The following SENP1 variants were observed in gnomAD, a reference collection of about 807,000 sequenced individuals.
SENP1 encodes sentrin-specific protease 1.
SENP1 carries 21 observed loss-of-function variants against 93.0 expected under a neutral mutation model. The ratio of observed to expected loss-of-function variants is 0.23; its 90% CI spans 0.16 to 0.33. SENP1 has a LOEUF of 0.33. SENP1 is among the 10% of genes least tolerant of loss of function. The pLI, the probability that SENP1 is intolerant of heterozygous loss-of-function variation, is 1.00. For missense variants in SENP1, 591 were observed against 758.7 expected (o/e 0.78, Z 2.60); for synonymous variants, 256 against 259.6 (o/e 0.99, Z 0.13).
chr12:48,070,304 C>T (rs996747098), intron 9 of SENP1, among the ~76,000 whole-genome samples: 2 of 152,204 alleles, frequency 1.3e-5, no homozygotes, highest in Middle Eastern at 3.2e-3. Context: ...CATCATGTCT[C>T]TGCTCAAGTC....
chr12:48,077,391 G>A (rs1409579192), intron 6 of SENP1, among the ~76,000 whole-genome samples: 1 of 152,124 alleles, frequency 6.6e-6, no homozygotes, highest in Non-Finnish European at 1.5e-5. Flanking sequence ...CAGTTTTAGA[G>A]TTTCTAGTCT....
chr12:48,084,127 C>T (rs919436434), intron 5 of SENP1, among the ~76,000 whole-genome samples: 4 of 152,156 alleles, frequency 2.6e-5, no homozygotes, highest in African/African-American at 9.7e-5. Flanking sequence ...CATACATTTT[C>T]TATTATTCCC....
At chr12:48,053,585 G>C (rs1252165683) in intron 13 of SENP1, among the ~76,000 whole-genome samples, 1 of 151,768 alleles carries the variant, frequency 6.6e-6, no homozygotes, top group Non-Finnish European at 1.5e-5. Context: ...TCCCCATAAA[G>C]TTTTGCTTCT....
rs866085185 is a variant in SENP1 at position 48,078,332 on chromosome 12, T to C, written c.553-3539A>G. 2.4e-4 allele frequency among the ~76,000 whole-genome samples: 20 copies of C among 83,844 alleles called. 3 individuals carry two copies. The highest frequency in any genetic ancestry group is 1.8e-3 in the East Asian group (2 of 1,140). 55.0% of individuals were successfully genotyped at this position (83,844 alleles called of 152,430 possible). A position where few individuals can be genotyped will look rare whatever the true frequency, so the allele number is the denominator to read the frequency against. ...CTGTAGGATTTTATATATATATATA[T>C]ATACACACACATATATATATACACA... On this transcript the variant is annotated intron_variant, in intron 6 of 17. Transcript: ENST00000549518.
chr12:48,053,480 GAAA>G (rs56951392), intron 13 of SENP1, among the ~76,000 whole-genome samples: 3 of 79,694 alleles, frequency 3.8e-5, no homozygotes, highest in African/African-American at 8.6e-5. Context: ...CCTGTCTCAG[GAAA>G]AAAAAAAAAA....
intron 3 of SENP1, 33 bp from the exon 4 acceptor site, chr12:48,096,460 ATTTT>A: frequency 6.9e-6 from 8 of 1,164,892 alleles, no homozygotes; most frequent in Non-Finnish European, 7.3e-6. Context: ...CTTAAGTCAC[ATTTT>A]TTTTTTTTTT....
At position 48,065,095 on chromosome 12, in the gene SENP1, A is replaced by G. The variant is rs769334883; in HGVS notation, c.1245T>C (p.Asp415=). 4.4e-6 allele frequency: 7 copies of G among 1,603,934 alleles called. No individual in the cohort carries two copies. The South Asian group carries it at 4.4e-5, about 10-fold the overall frequency. Residue 415 remains aspartate (D), a synonymous_variant, in exon 12 of 18, where the codon GAT becomes GAC. Coordinates refer to ENST00000549518, the MANE Select transcript of SENP1 (RefSeq NM_001267594.2). ...TAATTTCAGGAAATTCATCTTCACT[A>G]TCAGTTAATTTATGACCTTTTTTTT... ...ETQKKGHKLT[D]SEDEFPEITE...
rs35445616 is a variant in SENP1 at position 48,079,847 on chromosome 12, A to G, written c.552+3744T>C. 2.8e-3 allele frequency among the ~76,000 whole-genome samples: 432 copies of G among 152,326 alleles called. 1 individual carries two copies. The highest frequency in any genetic ancestry group is 8.8e-3 in the African/African-American group (367 of 41,580). ...AATACTCCTAATTTTCATTTTGTTT[A>G]AAGTAATAACTTTATACCATATAAA... is the stretch of plus-strand genomic sequence containing the variant. On this transcript the variant is annotated intron_variant, in intron 6 of 17. Transcript: ENST00000549518.
At chr12:48,063,350 G>A (rs1943082739) in intron 13 of SENP1, among the ~76,000 whole-genome samples, 1 of 152,170 alleles carries the variant, frequency 6.6e-6, no homozygotes. Flanking sequence ...AAATCCCACA[G>A]TATTCCCTCA....
Position 48,065,184 on chromosome 12 carries a change from C to T in SENP1, c.1156G>A (p.Val386Ile). 6.2e-7 allele frequency: 1 copy of T among 1,609,826 alleles called. No individual in the cohort carries two copies. The highest frequency in any genetic ancestry group is 8.5e-7 in the Non-Finnish European group (1 of 1,177,078). Residue 386 changes from valine (V) to isoleucine (I), a missense_variant, in exon 12 of 18, where the codon GTA (valine) becomes ATA (isoleucine). Physicochemically the swap from Val to Ile is conservative, Grantham distance 29. Around this residue, in one of 4 missense-constraint regions of SENP1, gnomAD observed 238 missense variants for 259.1 expected, o/e 0.92. Coordinates refer to ENST00000549518, the MANE Select transcript of SENP1 (RefSeq NM_001267594.2). ...AGAGGTACACGAAGATGTAGTTCTA[C>T]TGAATCATGTACTGAATGTTCCCGC... is the stretch of plus-strand genomic sequence containing the variant. The part of the protein sequence containing the change: ...QEREHSVHDS[V>I]ELHLRVPLEK...
intron 13 of SENP1, among the ~76,000 whole-genome samples, chr12:48,053,810 G>A (rs545096124): frequency 5.3e-5 from 8 of 152,142 alleles, no homozygotes; most frequent in Non-Finnish European, 1.2e-4. Flanking sequence ...TATTTCCTAT[G>A]AGTTTGTTCC....
chr12:48,103,557 C>T (rs909080861), intron 1 of SENP1, among the ~76,000 whole-genome samples: 1 of 152,134 alleles, frequency 6.6e-6, no homozygotes, highest in African/African-American at 2.4e-5. Flanking sequence ...TTCTTTTAGC[C>T]ACTTGCAGTT....
chr12:48,081,459 T>C (rs1592410999), intron 6 of SENP1: 1 of 152,126 alleles, frequency 6.6e-6, no homozygotes, highest in Non-Finnish European at 1.5e-5. Context: ...TTCATCATTG[T>C]TGTCCAGCTT....
intron 6 of SENP1, chr12:48,079,937 A>G (rs1210395977): frequency 2.6e-5 from 4 of 152,380 alleles, no homozygotes; most frequent in African/African-American, 9.6e-5. Context: ...ACAACACTGT[A>G]AAGCAGTTCT....
rs753488373 is a variant in SENP1, at chr12:48,101,499, T to G, written c.-27A>C. The G allele has an allele frequency of 6.3e-7, 1 of 1,589,646 alleles. No homozygotes were observed. Among genetic ancestry groups the G allele is most frequent in the South Asian group, 1.1e-5 (1 of 87,436 alleles). ...TCAAGTCTTTTCACATCACTGACTT[T>G]AGCAAAGATACAAAGTCCTATAAAA... is the stretch of plus-strand genomic sequence containing the variant. On this transcript the variant is annotated 5_prime_UTR_variant, in exon 2 of 18. Transcript: ENST00000549518.
chr12:48,064,173 T>C (rs1333674111), intron 12 of SENP1, among the ~76,000 whole-genome samples: 1 of 152,202 alleles, frequency 6.6e-6, no homozygotes, highest in Non-Finnish European at 1.5e-5. Context: ...ATATCTCTGG[T>C]CCAAATGACT....
chr12:48,049,261 C>A, intron 13 of SENP1, 129 bp from the exon 14 acceptor site: 1 of 694,120 alleles, frequency 1.4e-6, no homozygotes, highest in Non-Finnish European at 2.5e-6. Flanking sequence ...CAACATCCAA[C>A]AGATTCATTT....
chr12:48,083,816 C>T, intron 5 of SENP1, 54 bp from the exon 6 acceptor site: 3 of 1,267,554 alleles, frequency 2.4e-6, no homozygotes, highest in Non-Finnish European at 3.3e-6. Context: ...AAAATAAATC[C>T]AACCTAGAGA....
At chr12:48,082,047 G>A (rs1468010187) in intron 6 of SENP1, among the ~76,000 whole-genome samples, 5 of 151,680 alleles carry the variant, frequency 3.3e-5, no homozygotes, top group Non-Finnish European at 7.4e-5. Flanking sequence ...CCGCCACCAC[G>A]CCTGGCTAAT....
Sources: gnomAD v4.1 joint callset for allele counts (sites outside exome capture counted in the v4.1 genomes callset) on GRCh38, gnomAD v4.1.1 for gene constraint, gnomAD v4.1.1 regional missense constraint, MANE v1.5 for transcripts, NCBI Gene and HGNC (gene_info 2026-07-23, HGNC 2026-07-21) for gene names.